Variants in NLGN1 observed in about 807,000 individuals in gnomAD.
NLGN1 encodes neuroligin-1.
A neutral mutation model predicts 65.5 loss-of-function variants in NLGN1; 12 were observed. The observed-to-expected ratio is 0.18, with a 90% CI of 0.12 to 0.30. NLGN1 has a LOEUF of 0.30. NLGN1 is among the 10% of genes least tolerant of loss of function. The pLI, the probability that NLGN1 is intolerant of heterozygous loss-of-function variation, is 1.00. For missense variants in NLGN1, 750 were observed against 1,007.1 expected, an observed-to-expected ratio of 0.74 and a Z score of 3.46; for synonymous variants, 350 against 359.5, an observed-to-expected ratio of 0.97 and a Z score of 0.30.
intron 4 of NLGN1, among the ~76,000 whole-genome samples, chr3:173,949,294 C>T (rs750368481): frequency 6.6e-6 from 1 of 152,028 alleles, no homozygotes; most frequent in Non-Finnish European, 1.5e-5. Flanking sequence ...TATGATGCAG[C>T]CTTTAGTCAT....
At chr3:174,234,329 T>C (rs766952631) in intron 4 of NLGN1, among the ~76,000 whole-genome samples, 6 of 152,134 alleles carry the variant, frequency 3.9e-5, no homozygotes, top group Non-Finnish European at 8.8e-5. Flanking sequence ...TTTGGAGTCT[T>C]ACATCCCTTC....
At chr3:174,256,475 C>G (rs888128383) in intron 4 of NLGN1, among the ~76,000 whole-genome samples, 5 of 151,996 alleles carry the variant, frequency 3.3e-5, no homozygotes, top group African/African-American at 1.2e-4. Flanking sequence ...GAAATTTAAG[C>G]CATTAATAAT....
intron 2 of NLGN1, among the ~76,000 whole-genome samples, chr3:173,557,387 A>AT (rs1047368961): frequency 3.3e-4 from 50 of 151,942 alleles, no homozygotes; most frequent in African/African-American, 1.1e-3. Flanking sequence ...GACTTATCTC[A>AT]TTTTTTTCTC....
chr3:173,812,787 A>G (rs757761351), intron 4 of NLGN1, among the ~76,000 whole-genome samples: 68 of 146,722 alleles, frequency 4.6e-4, no homozygotes, highest in Non-Finnish European at 8.5e-4. Flanking sequence ...GTGTATATAT[A>G]TATGTATTTT....
chr3:173,964,836 A>G (rs934088989), intron 4 of NLGN1, among the ~76,000 whole-genome samples: 2 of 152,208 alleles, frequency 1.3e-5, no homozygotes, highest in Non-Finnish European at 2.9e-5. Context: ...ACAAGCACGG[A>G]AAATAAACAT....
intron 3 of NLGN1, among the ~76,000 whole-genome samples, chr3:173,682,631 C>A (rs1484310662): frequency 2.0e-5 from 3 of 149,986 alleles, no homozygotes; most frequent in Non-Finnish European, 4.4e-5. Flanking sequence ...CTACATAAGC[C>A]ATGATTTTCC....
chr3:173,952,734 T>G (rs1748451769), intron 4 of NLGN1, among the ~76,000 whole-genome samples: 1 of 152,168 alleles, frequency 6.6e-6, no homozygotes, highest in African/African-American at 2.4e-5. Context: ...TTCATTTTAT[T>G]TTTTTATCTT....
chr3:173,450,284 C>T (rs932926743), intron 2 of NLGN1, among the ~76,000 whole-genome samples: 1 of 152,078 alleles, frequency 6.6e-6, no homozygotes, highest in Non-Finnish European at 1.5e-5. Context: ...TCAGCATTTG[C>T]TTGTCTGTAA....
chr3:173,789,526 A>T (rs900612685), intron 3 of NLGN1, among the ~76,000 whole-genome samples: 2 of 152,224 alleles, frequency 1.3e-5, no homozygotes, highest in Non-Finnish European at 2.9e-5. Context: ...AGCCAAAGAA[A>T]TGAAGGCTCA....
At chr3:174,062,091 T>A (rs1737540872) in intron 4 of NLGN1, among the ~76,000 whole-genome samples, 1 of 152,092 alleles carries the variant, frequency 6.6e-6, no homozygotes. Flanking sequence ...TGTAGAAGGA[T>A]AAAAGTCATT....
chr3:173,995,854 T>C (rs984872386), intron 4 of NLGN1, among the ~76,000 whole-genome samples: 3 of 151,840 alleles, frequency 2.0e-5, no homozygotes, highest in Admixed American at 1.3e-4. Context: ...CTCGGCTAAT[T>C]TTTAAATTTT....
intron 2 of NLGN1, among the ~76,000 whole-genome samples, chr3:173,529,013 A>G (rs552642217): frequency 6.6e-6 from 1 of 152,276 alleles, no homozygotes; most frequent in East Asian, 1.9e-4. Context: ...TTCAGATTTT[A>G]CATGGTACCA....
chr3:174,228,481 A>G (rs1740119039), intron 4 of NLGN1, among the ~76,000 whole-genome samples: 1 of 152,150 alleles, frequency 6.6e-6, no homozygotes, highest in Non-Finnish European at 1.5e-5. Flanking sequence ...CAGAAACAAA[A>G]CTACAGACAT....
At position 173,443,395 on chromosome 3, in the gene NLGN1, A is replaced by C. The variant is rs910104714; in HGVS notation, c.-321+8317A>C. On this transcript the variant is annotated intron_variant, in intron 2 of 6. Coordinates refer to ENST00000457714, the Ensembl canonical transcript of NLGN1. The stretch of plus-strand genomic sequence containing the variant: ...TGAAGCTCTTTGTGATTAAATTATT[A>C]ATTTTTTGAAACTGTACTCCCAATA... Among the ~76,000 whole-genome samples the C allele has an allele frequency of 2.7e-5, 4 of 150,358 alleles. No individual in the cohort carries two copies. The South Asian group carries it at 8.3e-4, about 31-fold the overall frequency.
intron 4 of NLGN1, among the ~76,000 whole-genome samples, chr3:174,027,413 A>G (rs748384607): frequency 6.6e-6 from 1 of 152,168 alleles, no homozygotes; most frequent in Non-Finnish European, 1.5e-5. Context: ...ACTTACCACC[A>G]AAACAAAAGA....
At chr3:173,487,973 G>T (rs1728439886) in intron 2 of NLGN1, among the ~76,000 whole-genome samples, 1 of 151,426 alleles carries the variant, frequency 6.6e-6, no homozygotes, top group South Asian at 2.1e-4. Context: ...TTCATCTTAT[G>T]TGCTTTATAA....
intron 3 of NLGN1, among the ~76,000 whole-genome samples, chr3:173,797,533 T>C (rs766684759): frequency 1.3e-4 from 20 of 152,074 alleles, no homozygotes; most frequent in Non-Finnish European, 2.2e-4. Context: ...GCAATATTTG[T>C]ATTTGCTTCT....
At chr3:174,146,938 T>G (rs552808277) in intron 4 of NLGN1, among the ~76,000 whole-genome samples, 1 of 152,326 alleles carries the variant, frequency 6.6e-6, no homozygotes, top group South Asian at 2.1e-4. Context: ...TTCTTCTTAG[T>G]AGTGTTTACA....
chr3:173,839,483 C>T (rs1249906104), intron 4 of NLGN1, among the ~76,000 whole-genome samples: 1 of 150,746 alleles, frequency 6.6e-6, no homozygotes. Context: ...AGTGCAGTGG[C>T]GTGACCTCAG....
Sources: allele counts gnomAD v4.1 joint callset (sites outside exome capture counted in the v4.1 genomes callset), GRCh38; gene constraint gnomAD v4.1.1; transcripts MANE v1.5; gene names NCBI Gene and HGNC (gene_info 2026-07-23, HGNC 2026-07-21).